GRM8: variants seen among roughly 807,000 people sequenced by gnomAD.
The protein encoded by GRM8 is metabotropic glutamate receptor 8.
A neutral mutation model predicts 87.2 loss-of-function variants in GRM8; 47 were observed. The observed-to-expected ratio is 0.54, with a 90% CI of 0.43 to 0.69. The LOEUF is 0.69. Ranked by LOEUF, GRM8 falls within the 30% of genes least tolerant of loss-of-function variation. GRM8 has a pLI of 0.00. For missense variants in GRM8, 1,019 were observed against 1,139.2 expected (o/e 0.89, Z 1.52); for synonymous variants, 396 against 404.5 (o/e 0.98, Z 0.25).
At chr7:126,509,154 A>G (rs577630929) in intron 9 of GRM8, among the ~76,000 whole-genome samples, 5 of 152,242 alleles carry the variant, frequency 3.3e-5, no homozygotes, top group South Asian at 4.1e-4. Flanking sequence ...AGAAAAGTGA[A>G]TATTTTAGGA....
In GRM8 at chr7:126,981,967, C is replaced by CATCTAT. The variant is rs58806935; in HGVS notation, c.728-77290_728-77285dup. 8.7e-3 allele frequency among the ~76,000 whole-genome samples: 1,326 copies of CATCTAT among 151,912 alleles called. 10 individuals carry two copies. Among genetic ancestry groups the CATCTAT allele is most frequent in the African/African-American group, 0.023 (945 of 41,286 alleles). ...AGTGACAAAACTAATAGGATAAATA[C>CATCTAT]ATCTATATCTATATCTATATCTATA... On this transcript the variant is annotated intron_variant, in intron 3 of 10. Transcript: ENST00000339582.
chr7:126,718,943 CT>C, intron 7 of GRM8, among the ~76,000 whole-genome samples: 1 of 152,170 alleles, frequency 6.6e-6, no homozygotes, highest in Non-Finnish European at 1.5e-5. Flanking sequence ...GTACCATTAT[CT>C]TTCATATAGT....
intron 6 of GRM8, among the ~76,000 whole-genome samples, chr7:126,868,527 G>T (rs1157856184): frequency 6.6e-6 from 1 of 152,228 alleles, no homozygotes; most frequent in Non-Finnish European, 1.5e-5. Context: ...GGATGTGTCT[G>T]CCATCCTTTG....
intron 3 of GRM8, among the ~76,000 whole-genome samples, chr7:126,963,990 A>G (rs1408942612): frequency 6.6e-6 from 1 of 152,160 alleles, no homozygotes; most frequent in African/African-American, 2.4e-5. Flanking sequence ...GGAACAGTAC[A>G]GAGGCCTCAG....
At chr7:126,524,947 T>C (rs1416992471) in intron 9 of GRM8, among the ~76,000 whole-genome samples, 2 of 152,248 alleles carry the variant, frequency 1.3e-5, no homozygotes, top group African/African-American at 4.8e-5. Context: ...CATTTTCTTA[T>C]ATTTCCTGAA....
chr7:126,493,052 G>T (rs1808230306), intron 9 of GRM8, among the ~76,000 whole-genome samples: 1 of 151,974 alleles, frequency 6.6e-6, no homozygotes, highest in Admixed American at 6.6e-5. Context: ...TTTGTTTGTT[G>T]AGCTTTGTTT....
chr7:126,819,583 A>C (rs1366778652), intron 6 of GRM8, among the ~76,000 whole-genome samples: 1 of 152,204 alleles, frequency 6.6e-6, no homozygotes, highest in African/African-American at 2.4e-5. Context: ...TCAATAAATA[A>C]ACTATGAATA....
At chr7:126,829,024 C>T (rs1795090826) in intron 6 of GRM8, among the ~76,000 whole-genome samples, 1 of 152,178 alleles carries the variant, frequency 6.6e-6, no homozygotes, top group Non-Finnish European at 1.5e-5. Context: ...GAGTGAGTTT[C>T]TTAATCCTGA....
chr7:126,601,694 AT>A (rs36198587), intron 8 of GRM8, among the ~76,000 whole-genome samples: 1 of 148,646 alleles, frequency 6.7e-6, no homozygotes, highest in Non-Finnish European at 1.5e-5. Flanking sequence ...GATGATGAGC[AT>A]TTTTTCATGT....
chr7:126,767,885 T>C (rs1818366085), intron 7 of GRM8, among the ~76,000 whole-genome samples: 1 of 152,074 alleles, frequency 6.6e-6, no homozygotes, highest in African/African-American at 2.4e-5. Flanking sequence ...AAAGAGATTG[T>C]CTTTTAAGTT....
intron 2 of GRM8, among the ~76,000 whole-genome samples, chr7:127,225,759 A>G (rs949377675): frequency 2.6e-5 from 4 of 150,992 alleles, no homozygotes; most frequent in Non-Finnish European, 5.9e-5. Context: ...CAAAACAGAT[A>G]CTAAGTTCCA....
intron 2 of GRM8, among the ~76,000 whole-genome samples, chr7:127,196,093 A>C (rs1298541695): frequency 6.6e-6 from 1 of 152,212 alleles, no homozygotes; most frequent in African/African-American, 2.4e-5. Flanking sequence ...TGAGCACTTT[A>C]ATGTGCTTTC....
Position 127,242,830 on chromosome 7 carries a change from C to T in GRM8, c.375G>A (p.Glu125=), listed in dbSNP as rs1247883496. ...CACACTTCACATCCGAAGCATCTTT[C>T]TCTATTAATGCCTGCACGAATGTTA... is the stretch of plus-strand genomic sequence containing the variant. The part of the protein sequence containing the change: ...QSLTFVQALI[E]KDASDVKCAN... The change falls in exon 2 of 11, where the codon GAG becomes GAA. Residue 125 remains glutamate, a synonymous_variant. Transcript: ENST00000339582. 1.2e-6 allele frequency: 2 copies of T among 1,614,194 alleles called. No individual in the cohort carries two copies. Among genetic ancestry groups the T allele is most frequent in the South Asian group, 1.1e-5 (1 of 91,082 alleles).
chr7:126,504,971 A>T (rs985784765), intron 9 of GRM8, among the ~76,000 whole-genome samples: 1 of 152,102 alleles, frequency 6.6e-6, no homozygotes, highest in African/African-American at 2.4e-5. Flanking sequence ...AGTGGAGCCA[A>T]GTTATAGAGG....
chr7:126,535,557 A>T (rs1458131135), intron 8 of GRM8, among the ~76,000 whole-genome samples: 2 of 152,172 alleles, frequency 1.3e-5, no homozygotes, highest in Non-Finnish European at 2.9e-5. Context: ...TTGTGTTTAT[A>T]CCTACTTTCA....
chr7:127,129,059 T>C (rs1015251825), intron 2 of GRM8, among the ~76,000 whole-genome samples: 14 of 152,198 alleles, frequency 9.2e-5, no homozygotes, highest in African/African-American at 3.1e-4. Flanking sequence ...TCCAACCTGA[T>C]AAATTGGAAT....
At position 126,914,929 on chromosome 7, in the gene GRM8, GC is replaced by G. The variant is rs146905320; in HGVS notation, c.728-10247del. On this transcript the variant is annotated intron_variant, in intron 3 of 10. Coordinates refer to ENST00000339582, the MANE Select transcript of GRM8 (RefSeq NM_000845.3). ...CCCCCAATCTAAAATAAAAATAGAT[GC>G]TTTTTTAAAAAAGAAAATCATAATT... Among the ~76,000 whole-genome samples, 840 of 152,264 alleles carry G rather than the reference GC, an allele frequency of 5.5e-3. 11 individuals carry two copies. The highest frequency in any genetic ancestry group is 0.019 in the African/African-American group (789 of 41,542).
chr7:126,629,001 A>G (rs1244094421), intron 7 of GRM8, among the ~76,000 whole-genome samples: 7 of 152,166 alleles, frequency 4.6e-5, no homozygotes, highest in Non-Finnish European at 1.0e-4. Flanking sequence ...AATAACAAAC[A>G]TTAAAAAAAT....
chr7:126,935,031 T>C (rs940779481), intron 3 of GRM8, among the ~76,000 whole-genome samples: 2 of 152,128 alleles, frequency 1.3e-5, no homozygotes, highest in Non-Finnish European at 2.9e-5. Context: ...TGCAGAAAAA[T>C]GTCTGTCATG....
Sources: gnomAD v4.1 joint callset for allele counts (sites outside exome capture counted in the v4.1 genomes callset) on GRCh38, gnomAD v4.1.1 for gene constraint, MANE v1.5 for transcripts, NCBI Gene and HGNC (gene_info 2026-07-23, HGNC 2026-07-21) for gene names.